The following DACH2 variants were observed in gnomAD, a reference collection of about 807,000 sequenced individuals.
DACH2 encodes dachshund homolog 2.
Under a neutral mutation model 35.8 loss-of-function variants are expected in DACH2, and 17 were observed. The ratio of observed to expected loss-of-function variants is 0.48; its 90% CI spans 0.33 to 0.71. DACH2 has a LOEUF of 0.71. DACH2 is among the 30% of genes least tolerant of loss of function. The pLI is 0.02. For missense variants in DACH2, 469 were observed against 472.7 expected, an observed-to-expected ratio of 0.99 and a Z score of 0.07; for synonymous variants, 195 against 177.3, an observed-to-expected ratio of 1.10 and a Z score of -0.79.
intron 3 of DACH2, among the ~76,000 whole-genome samples, chrX:86,647,057 G>A (rs369133952): frequency 2.5e-4 from 27 of 109,591 alleles, no homozygotes; most frequent in East Asian, 2.3e-3. Context: ...TTAAGAGAAC[G>A]TTTGCACAAT....
chrX:86,751,956 C>T (rs2041778318), intron 7 of DACH2, among the ~76,000 whole-genome samples: 1 of 111,392 alleles, frequency 9.0e-6, no homozygotes. Context: ...GAGCTGGAGG[C>T]CAATTATCCT....
At chrX:86,149,467 G>A (rs1198332549) in intron 1 of DACH2, among the ~76,000 whole-genome samples, 1 of 111,912 alleles carries the variant, frequency 8.9e-6, no homozygotes, top group Non-Finnish European at 1.9e-5. Context: ...CGCACGGGTC[G>A]GATAGGTTTT....
At chrX:86,656,855 GTGTA>G (rs1221738177) in intron 4 of DACH2, among the ~76,000 whole-genome samples, 7 of 62,022 alleles carry the variant, frequency 1.1e-4, no homozygotes, top group African/African-American at 2.8e-4. Flanking sequence ...ATGTGTGTGT[GTGTA>G]TATATATATA....
At chrX:86,662,331 C>G (rs771997801) in intron 4 of DACH2, among the ~76,000 whole-genome samples, 63 of 111,839 alleles carry the variant, frequency 5.6e-4, no homozygotes, top group South Asian at 1.9e-3. Flanking sequence ...AGGTGGCTCA[C>G]GCCTGTAATC....
intron 7 of DACH2, among the ~76,000 whole-genome samples, chrX:86,803,115 T>C (rs972405501): frequency 1.8e-5 from 2 of 111,930 alleles, no homozygotes; most frequent in Non-Finnish European, 3.8e-5. Flanking sequence ...TTAGATCAAC[T>C]TCTAGTCTGT....
rs1273947303 is a variant in DACH2, at chrX:86,568,398, G to A, written c.640+54007G>A. ...GTGTTATGATGTATGGAGTCAGGTG[G>A]TGTATGGATCTATACTTTTTTTCTC... On this transcript the variant is annotated intron_variant, in intron 3 of 11. Transcript: ENST00000373125. Among the ~76,000 whole-genome samples, 18 of 110,891 alleles carry A rather than the reference G, an allele frequency of 1.6e-4. No homozygotes were observed. The Admixed American group carries it at 1.7e-3, about 11-fold the overall frequency.
chrX:86,276,008 C>T (rs2033909696), intron 1 of DACH2, among the ~76,000 whole-genome samples: 2 of 112,307 alleles, frequency 1.8e-5, no homozygotes, highest in South Asian at 7.3e-4. Flanking sequence ...AACAGTGCTG[C>T]AACAAACACA....
intron 2 of DACH2, among the ~76,000 whole-genome samples, chrX:86,423,333 A>G (rs755839257): frequency 1.3e-4 from 14 of 110,665 alleles, no homozygotes; most frequent in South Asian, 3.8e-4. Context: ...ACCATTTTTT[A>G]TTGCCTGTCT....
At chrX:86,394,138 C>T (rs2036245152) in intron 2 of DACH2, among the ~76,000 whole-genome samples, 1 of 109,432 alleles carries the variant, frequency 9.1e-6, no homozygotes, top group South Asian at 3.9e-4. Flanking sequence ...TTTTTTTGTA[C>T]TTGTCATGTA....
chrX:86,716,061 A>G (rs952076793), intron 6 of DACH2, among the ~76,000 whole-genome samples: 3 of 111,833 alleles, frequency 2.7e-5, no homozygotes, highest in Non-Finnish European at 5.6e-5. Context: ...AGCTTCATCT[A>G]TATATTTAAA....
intron 2 of DACH2, among the ~76,000 whole-genome samples, chrX:86,470,222 T>G (rs1307414805): frequency 8.9e-6 from 1 of 111,826 alleles, no homozygotes; most frequent in Non-Finnish European, 1.9e-5. Context: ...AAATACTTAT[T>G]GTCATTCTTT....
intron 1 of DACH2, among the ~76,000 whole-genome samples, chrX:86,214,516 T>C (rs1180936219): frequency 8.9e-6 from 1 of 111,938 alleles, no homozygotes; most frequent in African/African-American, 3.2e-5. Flanking sequence ...GAGTCAGAGA[T>C]CTCTACAGTG....
At chrX:86,591,636 C>T (rs2039647863) in intron 3 of DACH2, among the ~76,000 whole-genome samples, 2 of 107,633 alleles carry the variant, frequency 1.9e-5, no homozygotes, top group Admixed American at 1.0e-4. Context: ...CTCCTGGGTT[C>T]AAGCAATTCT....
intron 1 of DACH2, among the ~76,000 whole-genome samples, chrX:86,298,224 G>A (rs953084702): frequency 8.9e-6 from 1 of 111,773 alleles, no homozygotes; most frequent in East Asian, 2.8e-4. Context: ...CATCCAAAAT[G>A]ATATATTTCC....
At chrX:86,451,129 G>A (rs749047035) in intron 2 of DACH2, among the ~76,000 whole-genome samples, 4 of 111,373 alleles carry the variant, frequency 3.6e-5, no homozygotes, top group Non-Finnish European at 5.7e-5. Context: ...TTTTTGTTAT[G>A]AAATCTTTGC....
At chrX:86,242,322 C>A (rs768068561) in intron 1 of DACH2, among the ~76,000 whole-genome samples, 5 of 112,311 alleles carry the variant, frequency 4.5e-5, no homozygotes, top group Non-Finnish European at 9.4e-5. Context: ...GTCAAGGAGT[C>A]AAAGGAGATT....
At chrX:86,641,483 G>A (rs1325956529) in intron 3 of DACH2, among the ~76,000 whole-genome samples, 4 of 112,082 alleles carry the variant, frequency 3.6e-5, no homozygotes, top group African/African-American at 9.7e-5. Flanking sequence ...CGAATCATTG[G>A]CACCCCTGAA....
chrX:86,229,035 T>C (rs921595239), intron 1 of DACH2, among the ~76,000 whole-genome samples: 8 of 111,919 alleles, frequency 7.1e-5, no homozygotes, highest in African/African-American at 2.6e-4. Flanking sequence ...CATGAACTCC[T>C]TGCCTATGCC....
intron 2 of DACH2, among the ~76,000 whole-genome samples, chrX:86,501,892 T>A (rs1411307416): frequency 1.8e-5 from 2 of 111,443 alleles, no homozygotes; most frequent in African/African-American, 6.5e-5. Context: ...ATGAAAAAAA[T>A]CAATATATTT....
Sources: allele counts gnomAD v4.1 joint callset (sites outside exome capture counted in the v4.1 genomes callset), GRCh38; gene constraint gnomAD v4.1.1; transcripts MANE v1.5; gene names NCBI Gene and HGNC (gene_info 2026-07-23, HGNC 2026-07-21).